CAPN13: variants seen among roughly 807,000 people sequenced by gnomAD.
CAPN13 encodes calpain-13.
A neutral mutation model predicts 98.4 loss-of-function variants in CAPN13; 90 were observed. That is an observed-to-expected ratio of 0.92 (90% CI 0.77 to 1.09). The LOEUF (loss-of-function observed/expected upper bound fraction) is 1.09, where lower values mean the gene tolerates loss of function less well. Ranked by LOEUF, CAPN13 falls within the 50% of genes least tolerant of loss-of-function variation. CAPN13 has a pLI of 0.00. For missense variants in CAPN13, 887 were observed against 841.3 expected (o/e 1.05, Z -0.67); for synonymous variants, 330 against 305.5 (o/e 1.08, Z -0.84).
chr2:30,730,130 A>G (rs1671012710), intron 22 of CAPN13, among the ~76,000 whole-genome samples: 1 of 152,222 alleles, frequency 6.6e-6, no homozygotes, highest in African/African-American at 2.4e-5. Context: ...CCTGTCCTAA[A>G]GAATTCTAGA....
At chr2:30,775,296 A>G (rs1251674978) in intron 4 of CAPN13, among the ~76,000 whole-genome samples, 1 of 152,198 alleles carries the variant, frequency 6.6e-6, no homozygotes, top group Non-Finnish European at 1.5e-5. Flanking sequence ...ATTAATCAAG[A>G]AAGATACACC....
intron 18 of CAPN13, among the ~76,000 whole-genome samples, chr2:30,735,729 A>G (rs1049035583): frequency 6.6e-6 from 1 of 152,234 alleles, no homozygotes; most frequent in African/African-American, 2.4e-5. Context: ...ACTTTTTTTC[A>G]GCCTTTAAAC....
In CAPN13 at chr2:30,754,378, C is replaced by T. The variant is rs180993582; in HGVS notation, c.867-14G>A. The T allele has an allele frequency of 5.1e-3, 8,099 of 1,590,784 alleles. 18 individuals carry two copies. Among genetic ancestry groups the T allele is most frequent in the Non-Finnish European group, 6.3e-3 (7,359 of 1,170,358 alleles). On this transcript the variant is annotated splice_polypyrimidine_tract_variant and intron_variant, in intron 8 of 22. Transcript: ENST00000295055. ...CACTCCTGAGACCTGAGCATGGACACACAAACCACAGGGTGAGATTTTCCA... is the reference window on the plus strand; with the variant it reads ...CACTCCTGAGACCTGAGCATGGACATACAAACCACAGGGTGAGATTTTCCA...
intron 14 of CAPN13, 61 bp from the exon 15 acceptor site, chr2:30,742,025 A>T: frequency 6.7e-7 from 1 of 1,482,020 alleles, no homozygotes; most frequent in Non-Finnish European, 9.4e-7. Flanking sequence ...CCCATCTGGT[A>T]CAGCAAGGGT....
At position 30,764,292 on chromosome 2, in the gene CAPN13, T is replaced by C; in HGVS notation, c.539A>G (p.Tyr180Cys). The change falls in exon 6 of 23, where the codon TAT becomes TGT. Residue 180 changes from tyrosine (Y) to cysteine (C), a missense_variant. Transcript: ENST00000295055. ...GAGGAAGCCATAGTGCAGATCGGAA[T>C]AGGATCCGAGCAGCCTGGGAGGGAA... ...EKAYAKLLGSYSDLHYGFLED... is the reference protein window; with the variant it reads ...EKAYAKLLGSCSDLHYGFLED... 1 of 1,613,728 alleles carries C rather than the reference T, an allele frequency of 6.2e-7. No individual in the cohort carries two copies. Among genetic ancestry groups the C allele is most frequent in the Non-Finnish European group, 8.5e-7 (1 of 1,179,810 alleles).
At chr2:30,800,093 GA>G (rs1192362643) in intron 1 of CAPN13, among the ~76,000 whole-genome samples, 1 of 116,446 alleles carries the variant, frequency 8.6e-6, no homozygotes, top group Non-Finnish European at 1.8e-5. Flanking sequence ...AAGAAAGAAA[GA>G]AAAGAAAGAA....
intron 5 of CAPN13, among the ~76,000 whole-genome samples, chr2:30,765,902 C>T (rs1369803751): frequency 6.6e-6 from 1 of 152,210 alleles, no homozygotes; most frequent in Non-Finnish European, 1.5e-5. Context: ...TATCCTCCTG[C>T]TCTCCCTCTC....
chr2:30,758,205 C>A, intron 7 of CAPN13, 68 bp from the exon 8 acceptor site: 1 of 1,211,986 alleles, frequency 8.3e-7, no homozygotes, highest in Non-Finnish European at 1.1e-6. Flanking sequence ...GGGATGAATG[C>A]AGCTGCTTTT....
At chr2:30,763,206 A>G (rs762746661) in intron 6 of CAPN13, 50 bp from the exon 7 acceptor site, 8 of 1,528,364 alleles carry the variant, frequency 5.2e-6, no homozygotes, top group Non-Finnish European at 7.2e-6. Context: ...AGGTTCTTCA[A>G]AGAAATAGAA....
At chr2:30,759,867 G>A (rs1672748510) in intron 7 of CAPN13, among the ~76,000 whole-genome samples, 1 of 152,176 alleles carries the variant, frequency 6.6e-6, no homozygotes, top group African/African-American at 2.4e-5. Flanking sequence ...TCAGCAGTGG[G>A]GCATTGCTGT....
chr2:30,800,830 A>C (rs1486356635), intron 1 of CAPN13, among the ~76,000 whole-genome samples: 1 of 152,174 alleles, frequency 6.6e-6, no homozygotes, highest in Non-Finnish European at 1.5e-5. Context: ...TTCAATTATG[A>C]TAGGGTTGAG....
At chr2:30,733,358 C>T (rs1001026482) in intron 19 of CAPN13, among the ~76,000 whole-genome samples, 3 of 152,192 alleles carry the variant, frequency 2.0e-5, no homozygotes, top group Non-Finnish European at 2.9e-5. Flanking sequence ...TGTTTTCTGA[C>T]TGTGAGCTCC....
intron 7 of CAPN13, among the ~76,000 whole-genome samples, chr2:30,758,758 CTCTTTCCTTTCCTT>C (rs1672595365): frequency 5.1e-5 from 7 of 136,206 alleles, no homozygotes; most frequent in Non-Finnish European, 7.8e-5. Flanking sequence ...CTCCCTCCCT[CTCTTTCCTTTCCTT>C]CCTCCCTCCC....
intron 1 of CAPN13, among the ~76,000 whole-genome samples, chr2:30,790,771 G>A (rs536985061): frequency 8.5e-4 from 129 of 152,274 alleles, no homozygotes; most frequent in Non-Finnish European, 1.6e-3. Flanking sequence ...CACATGCTTA[G>A]CGTTCCAATA....
intron 1 of CAPN13, among the ~76,000 whole-genome samples, chr2:30,796,211 T>TATAC (rs1674870434): frequency 2.8e-5 from 3 of 106,838 alleles, no homozygotes; most frequent in African/African-American, 1.0e-4. Flanking sequence ...TATATATATA[T>TATAC]ACACATATAT....
At chr2:30,791,484 A>C (rs1674604427) in intron 1 of CAPN13, among the ~76,000 whole-genome samples, 1 of 152,272 alleles carries the variant, frequency 6.6e-6, no homozygotes, top group Admixed American at 6.5e-5. Context: ...CACAAATAAC[A>C]AATTATGAGA....
intron 22 of CAPN13, among the ~76,000 whole-genome samples, 187 bp downstream of exon 22, chr2:30,730,543 G>C (rs1671032593): frequency 6.6e-6 from 1 of 152,264 alleles, no homozygotes; most frequent in Non-Finnish European, 1.5e-5. Flanking sequence ...TACATTGTCT[G>C]CATGAAATCT....
chr2:30,766,480 A>G lies in CAPN13; in HGVS notation c.525-2174T>C, dbSNP rs566775611. ...GGAGCTATCTTTCTGCTTTCTAAAC[A>G]TGAGCTCACGGATCCTGCTGATGTT... On this transcript the variant is annotated intron_variant, in intron 5 of 22. Transcript: ENST00000295055. Among the ~76,000 whole-genome samples, 210 of 152,346 alleles carry G rather than the reference A, an allele frequency of 1.4e-3. 1 individual carries two copies. Among genetic ancestry groups the G allele is most frequent in the African/African-American group, 5.0e-3 (207 of 41,592 alleles).
chr2:30,760,146 G>T (rs139107319), intron 7 of CAPN13, among the ~76,000 whole-genome samples: 15,281 of 152,146 alleles, frequency 0.1, 1,235 homozygotes, highest in African/African-American at 0.23. Context: ...GCAGTGGCAC[G>T]ATCTCGGCTC....
Sources: gnomAD v4.1 joint callset for allele counts (sites outside exome capture counted in the v4.1 genomes callset) on GRCh38, gnomAD v4.1.1 for gene constraint, MANE v1.5 for transcripts, NCBI Gene and HGNC (gene_info 2026-07-23, HGNC 2026-07-21) for gene names.